Variants in SGCD observed in about 807,000 individuals in gnomAD.
The protein encoded by SGCD is delta-sarcoglycan.
Under a neutral mutation model 36.6 loss-of-function variants are expected in SGCD, and 18 were observed. The ratio of observed to expected loss-of-function variants is 0.49; its 90% CI spans 0.34 to 0.73. The LOEUF (loss-of-function observed/expected upper bound fraction) is 0.73. SGCD is among the 30% of genes least tolerant of loss of function. SGCD has a pLI of 0.01. For synonymous variants in SGCD, 133 were observed against 130.6 expected (o/e 1.02, Z -0.12); for missense variants, 387 against 346.7 (o/e 1.12, Z -0.92).
chr5:155,827,845 A>T, the SGCD span, among the ~76,000 whole-genome samples: 9 of 124,904 alleles, frequency 7.2e-5, no homozygotes, highest in Admixed American at 1.7e-4. Context: ...CACCTGGCTA[A>T]TTTTTTTTTT....
At chr5:155,965,623 G>C (rs1757886486) in intron 1 of SGCD, among the ~76,000 whole-genome samples, 2 of 152,114 alleles carry the variant, frequency 1.3e-5, no homozygotes, top group Non-Finnish European at 2.9e-5. Context: ...GGTATGCTGA[G>C]TGCAGTTACT....
At chr5:156,121,882 GA>G (rs1315385579) in intron 2 of SGCD, among the ~76,000 whole-genome samples, 1 of 151,996 alleles carries the variant, frequency 6.6e-6, no homozygotes, top group Non-Finnish European at 1.5e-5. Flanking sequence ...ACAGCATGAT[GA>G]AAGTAACAAT....
At chr5:156,330,830 G>C (rs1338362958) in intron 2 of SGCD, among the ~76,000 whole-genome samples, 1 of 152,190 alleles carries the variant, frequency 6.6e-6, no homozygotes, top group Non-Finnish European at 1.5e-5. Flanking sequence ...TGTGAACTGA[G>C]CTCAGGGTCT....
At chr5:156,300,468 G>T (rs1767024736) in intron 3 of SGCD, among the ~76,000 whole-genome samples, 1 of 151,856 alleles carries the variant, frequency 6.6e-6, no homozygotes, top group Non-Finnish European at 1.5e-5. Context: ...TTATTCTATT[G>T]TTGTCAGAGA....
intron 3 of SGCD, among the ~76,000 whole-genome samples, chr5:156,395,453 C>T (rs1299702080): frequency 5.9e-5 from 9 of 152,198 alleles, no homozygotes; most frequent in South Asian, 2.1e-4. Flanking sequence ...TCAGTAGAGA[C>T]AGTAGTCTGG....
chr5:156,261,272 A>T (rs1389786059), intron 3 of SGCD, among the ~76,000 whole-genome samples: 1 of 152,194 alleles, frequency 6.6e-6, no homozygotes, highest in Non-Finnish European at 1.5e-5. Flanking sequence ...CCTTTTGGGC[A>T]TAGGATACCC....
intron 3 of SGCD, among the ~76,000 whole-genome samples, chr5:156,362,356 A>C (rs1010545232): frequency 5.9e-5 from 9 of 152,230 alleles, no homozygotes; most frequent in African/African-American, 2.2e-4. Flanking sequence ...GTTTAGAAAT[A>C]GCATTCGAGG....
intron 1 of SGCD, among the ~76,000 whole-genome samples, chr5:156,069,660 G>A (rs891823078): frequency 6.6e-6 from 1 of 151,768 alleles, no homozygotes; most frequent in African/African-American, 2.4e-5. Flanking sequence ...GTACTGTGAA[G>A]AAAGTCATTG....
At chr5:155,858,148 G>T in the SGCD span, among the ~76,000 whole-genome samples, 3 of 152,214 alleles carry the variant, frequency 2.0e-5, no homozygotes, top group Admixed American at 1.3e-4. Flanking sequence ...TCAGTCTATT[G>T]TCTGTGTTTC....
intron 4 of SGCD, among the ~76,000 whole-genome samples, chr5:156,518,638 C>T (rs1025768475): frequency 1.3e-5 from 2 of 152,100 alleles, no homozygotes; most frequent in African/African-American, 4.8e-5. Context: ...TGCAAAATAA[C>T]TGAAATCATA....
chr5:156,277,706 G>A (rs1766352105), intron 3 of SGCD, among the ~76,000 whole-genome samples: 1 of 152,136 alleles, frequency 6.6e-6, no homozygotes. Flanking sequence ...GGAATAATTA[G>A]GTTGTTTTTG....
At chr5:155,803,077 T>C in the SGCD span, among the ~76,000 whole-genome samples, 1 of 152,230 alleles carries the variant, frequency 6.6e-6, no homozygotes, top group Non-Finnish European at 1.5e-5. Flanking sequence ...AATCCAGATA[T>C]AGTCCCTTTC....
intron 1 of SGCD, among the ~76,000 whole-genome samples, chr5:155,981,273 C>A (rs1042170077): frequency 6.6e-6 from 1 of 152,138 alleles, no homozygotes; most frequent in Non-Finnish European, 1.5e-5. Flanking sequence ...CACACAGAAT[C>A]CCCGACTTGG....
At chr5:156,499,889 G>C (rs1196752695) in intron 3 of SGCD, among the ~76,000 whole-genome samples, 2 of 152,120 alleles carry the variant, frequency 1.3e-5, no homozygotes, top group African/African-American at 4.8e-5. Flanking sequence ...AAGAAAGCTA[G>C]AGCAGTCTCA....
chr5:156,287,893 T>C (rs1766653686), intron 3 of SGCD, among the ~76,000 whole-genome samples: 1 of 152,046 alleles, frequency 6.6e-6, no homozygotes, highest in South Asian at 2.1e-4. Context: ...AGTGAGGCTC[T>C]GTCTCAAAAA....
At chr5:156,630,386 C>T (rs1762587833) in intron 6 of SGCD, among the ~76,000 whole-genome samples, 1 of 152,158 alleles carries the variant, frequency 6.6e-6, no homozygotes, top group Non-Finnish European at 1.5e-5. Context: ...AGCAGGCAAA[C>T]TGACACTAGC....
chr5:156,701,356 T>A (rs1199887705), intron 7 of SGCD, among the ~76,000 whole-genome samples: 1 of 152,208 alleles, frequency 6.6e-6, no homozygotes, highest in African/African-American at 2.4e-5. Context: ...GTTATTTCCA[T>A]CTTGAAAATA....
the SGCD span, among the ~76,000 whole-genome samples, chr5:155,816,416 G>A: frequency 6.6e-6 from 1 of 152,096 alleles, no homozygotes; most frequent in Non-Finnish European, 1.5e-5. Flanking sequence ...AGAAAATAAA[G>A]TTACTATTTA....
Position 156,309,661 on chromosome 5 carries a change from C to T in SGCD, c.-43-19873C>T, listed in dbSNP as rs373918444. 2.1e-5 allele frequency among the ~76,000 whole-genome samples: 3 copies of T among 144,216 alleles called. No individual in the cohort carries two copies. The East Asian group carries it at 6.1e-4, about 29-fold the overall frequency. 94.6% of individuals were successfully genotyped at this position (144,216 alleles called of 152,430 possible). On this transcript the variant is annotated intron_variant, in intron 3 of 9. Coordinates refer to the SGCD transcript ENST00000517913. ...TGTCGCCTGGGCTGGAATGCAGTGG[C>T]GTGATCTTGGCTCACGGGGTTTCAC...
Sources: allele counts gnomAD v4.1 joint callset (sites outside exome capture counted in the v4.1 genomes callset), GRCh38; gene constraint gnomAD v4.1.1; transcripts MANE v1.5; gene names NCBI Gene and HGNC (gene_info 2026-07-23, HGNC 2026-07-21).